ADAMTSL1: variants seen among roughly 807,000 people sequenced by gnomAD.
ADAMTSL1 encodes ADAMTS like 1.
Under a neutral mutation model 201.8 loss-of-function variants are expected in ADAMTSL1, and 126 were observed. The observed-to-expected ratio is 0.62, with a 90% CI of 0.54 to 0.72. The LOEUF (loss-of-function observed/expected upper bound fraction) is 0.72. ADAMTSL1 is among the 30% of genes least tolerant of loss of function. ADAMTSL1 has a pLI of 0.00. For synonymous variants in ADAMTSL1, 1,121 were observed against 903.4 expected (o/e 1.24, Z -4.32); for missense variants, 2,679 against 2,277.8 (o/e 1.18, Z -3.59).
intron 2 of ADAMTSL1, among the ~76,000 whole-genome samples, chr9:18,260,434 A>G (rs1205963749): frequency 6.6e-6 from 1 of 152,254 alleles, no homozygotes; most frequent in Non-Finnish European, 1.5e-5. Context: ...GGCTTTCAGC[A>G]ATATGGCACC....
At chr9:18,842,419 C>A (rs909855260) in intron 23 of ADAMTSL1, among the ~76,000 whole-genome samples, 17 of 152,116 alleles carry the variant, frequency 1.1e-4, no homozygotes, top group African/African-American at 4.1e-4. Flanking sequence ...GTTATAATTT[C>A]TGTTCTTTTA....
At chr9:17,908,890 C>T (rs548014792) in intron 1 of ADAMTSL1, among the ~76,000 whole-genome samples, 11 of 152,104 alleles carry the variant, frequency 7.2e-5, no homozygotes, top group Admixed American at 4.6e-4. Context: ...CCTGAGGACT[C>T]GCCACACTGA....
chr9:17,935,393 A>C (rs1250372352), intron 1 of ADAMTSL1, among the ~76,000 whole-genome samples: 3 of 152,160 alleles, frequency 2.0e-5, no homozygotes, highest in Admixed American at 1.3e-4. Context: ...TTGAAATACT[A>C]TTTAGACTGA....
At chr9:18,132,354 G>C (rs1250749358) in intron 1 of ADAMTSL1, among the ~76,000 whole-genome samples, 1 of 152,100 alleles carries the variant, frequency 6.6e-6, no homozygotes, top group Non-Finnish European at 1.5e-5. Flanking sequence ...GTGGCGTTAA[G>C]TACATTCACA....
intron 1 of ADAMTSL1, among the ~76,000 whole-genome samples, chr9:17,998,281 C>A (rs183062955): frequency 6.6e-6 from 1 of 152,136 alleles, no homozygotes; most frequent in African/African-American, 2.4e-5. Flanking sequence ...CAAGGCACAG[C>A]ACTCAGAAAC....
intron 1 of ADAMTSL1, among the ~76,000 whole-genome samples, chr9:17,953,038 T>TC (rs1827791175): frequency 6.6e-6 from 1 of 151,770 alleles, no homozygotes; most frequent in Admixed American, 6.6e-5. Flanking sequence ...CCATAGTTTT[T>TC]TTTTTTTGGA....
rs1307344063 is a variant in ADAMTSL1, at chr9:18,908,866, G to A, written c.*318G>A. The A allele has an allele frequency of 1.2e-5, 3 of 259,930 alleles. No homozygotes were observed. Among genetic ancestry groups the A allele is most frequent in the Non-Finnish European group, 2.2e-5 (3 of 136,536 alleles). 16.1% of individuals were successfully genotyped at this position (259,930 alleles called of 1,614,324 possible). ...AACCTGGGTCTCAAAGACCTAGAAAGAGGCAGGCACAGCCCCTGCGGACAG... is the reference window on the plus strand; with the variant it reads ...AACCTGGGTCTCAAAGACCTAGAAAAAGGCAGGCACAGCCCCTGCGGACAG... On this transcript the variant is annotated 3_prime_UTR_variant, in exon 29 of 29. Transcript: ENST00000380548.
At chr9:18,660,760 C>T (rs1212026254) in intron 8 of ADAMTSL1, among the ~76,000 whole-genome samples, 1 of 151,970 alleles carries the variant, frequency 6.6e-6, no homozygotes, top group African/African-American at 2.4e-5. Context: ...TTATCCATTG[C>T]TTTCGTTACT....
intron 23 of ADAMTSL1, among the ~76,000 whole-genome samples, chr9:18,840,160 T>A (rs1249807117): frequency 2.0e-5 from 3 of 150,690 alleles, no homozygotes; most frequent in Non-Finnish European, 4.4e-5. Flanking sequence ...AGGGTTTTTA[T>A]GGTTTTAGGT....
intron 1 of ADAMTSL1, among the ~76,000 whole-genome samples, chr9:18,113,443 T>C (rs1313624857): frequency 6.6e-6 from 1 of 152,116 alleles, no homozygotes; most frequent in East Asian, 1.9e-4. Flanking sequence ...CGGTGAGATG[T>C]ACAGATGAGG....
rs56112949 is a variant in ADAMTSL1, at chr9:18,894,345, C to CTTTTT, written c.4851+1761_4851+1765dup. Reference sequence around the variant, plus strand: ...CCTGGGTGACAGAGCAAAACCTTGTCTTTTTTTTTTTTTTTTGAAAAAGGT... The same window carrying CTTTTT: ...CCTGGGTGACAGAGCAAAACCTTGTCTTTTTTTTTTTTTTTTTTTTTGAAAAAGGT... On this transcript the variant is annotated intron_variant, in intron 26 of 28. Transcript: ENST00000380548. 1.0e-3 allele frequency among the ~76,000 whole-genome samples: 126 copies of CTTTTT among 124,016 alleles called. 6 individuals carry two copies. Among genetic ancestry groups the CTTTTT allele is most frequent in the African/African-American group, 3.5e-3 (110 of 31,370 alleles). 81.4% of individuals were successfully genotyped at this position (124,016 alleles called of 152,430 possible).
At chr9:18,734,526 A>C (rs1380829884) in intron 15 of ADAMTSL1, among the ~76,000 whole-genome samples, 1 of 152,216 alleles carries the variant, frequency 6.6e-6, no homozygotes, top group Non-Finnish European at 1.5e-5. Context: ...GTTCTGGAGA[A>C]ACAATAAAGT....
intron 1 of ADAMTSL1, among the ~76,000 whole-genome samples, chr9:17,974,875 A>G (rs1818379018): frequency 6.6e-6 from 1 of 152,058 alleles, no homozygotes; most frequent in Non-Finnish European, 1.5e-5. Context: ...TTTTTTTGAT[A>G]CATACCAGAA....
chr9:18,410,944 C>A (rs750677317), intron 2 of ADAMTSL1, among the ~76,000 whole-genome samples: 10 of 150,732 alleles, frequency 6.6e-5, no homozygotes, highest in African/African-American at 2.2e-4. Context: ...CAGGTTCAAG[C>A]GATTCTCCTG....
chr9:18,689,121 G>A (rs915889821), intron 13 of ADAMTSL1, among the ~76,000 whole-genome samples: 5 of 151,990 alleles, frequency 3.3e-5, no homozygotes, highest in African/African-American at 1.2e-4. Context: ...TTTATTTGGT[G>A]GGGAATTGGA....
At chr9:18,468,489 C>G (rs1821090630) in intron 2 of ADAMTSL1, among the ~76,000 whole-genome samples, 1 of 152,082 alleles carries the variant, frequency 6.6e-6, no homozygotes, top group African/African-American at 2.4e-5. Flanking sequence ...TTATTATCTC[C>G]TACTTGTATC....
intron 2 of ADAMTSL1, among the ~76,000 whole-genome samples, chr9:18,312,026 G>T (rs544376004): frequency 1.6e-4 from 24 of 152,300 alleles, no homozygotes; most frequent in Admixed American, 5.2e-4. Context: ...TAAAGTTCCA[G>T]TTCCCACAGA....
At chr9:18,207,468 A>G (rs1026202409) in intron 2 of ADAMTSL1, among the ~76,000 whole-genome samples, 7 of 152,174 alleles carry the variant, frequency 4.6e-5, no homozygotes, top group African/African-American at 9.7e-5. Context: ...TGGCTAATCA[A>G]TGGTGCTTGG....
intron 1 of ADAMTSL1, among the ~76,000 whole-genome samples, chr9:18,500,610 A>G (rs535580089): frequency 6.6e-6 from 1 of 152,304 alleles, no homozygotes; most frequent in East Asian, 1.9e-4. Context: ...ATAAAATTAT[A>G]GAGCCAAAAC....
Sources: allele counts gnomAD v4.1 joint callset (sites outside exome capture counted in the v4.1 genomes callset), GRCh38; gene constraint gnomAD v4.1.1; transcripts MANE v1.5; gene names NCBI Gene and HGNC (gene_info 2026-07-23, HGNC 2026-07-21).